TENM3: variants seen among roughly 807,000 people sequenced by gnomAD.
TENM3 encodes the protein teneurin-3.
TENM3 carries 63 observed loss-of-function variants against 255.1 expected under a neutral mutation model. The observed-to-expected ratio is 0.25, with a 90% confidence interval of 0.20 to 0.30. TENM3 has a LOEUF of 0.30. TENM3 is among the 10% of genes least tolerant of loss of function. TENM3 has a pLI of 1.00. For synonymous variants in TENM3, 1,306 were observed against 1,322.3 expected, an observed-to-expected ratio of 0.99 and a Z score of 0.27; for missense variants, 2,929 against 3,461.1, an observed-to-expected ratio of 0.85 and a Z score of 3.86.
the TENM3 span, among the ~76,000 whole-genome samples, chr4:181,973,180 A>G: frequency 4.6e-5 from 7 of 152,328 alleles, 1 homozygote; most frequent in South Asian, 1.2e-3. Flanking sequence ...CTCTTATAAC[A>G]TATGCAGTAA....
At chr4:182,695,987 C>T (rs1757371269) in intron 12 of TENM3, among the ~76,000 whole-genome samples, 1 of 152,144 alleles carries the variant, frequency 6.6e-6, no homozygotes, top group Admixed American at 6.5e-5. Context: ...TTACTCATCC[C>T]AGTGTATCAC....
intron 1 of TENM3, among the ~76,000 whole-genome samples, chr4:182,279,755 C>G (rs1378040843): frequency 6.6e-6 from 1 of 152,080 alleles, no homozygotes; most frequent in Non-Finnish European, 1.5e-5. Context: ...TAGTCATTTT[C>G]TCCATATGCT....
chr4:182,429,049 C>T (rs1311042352), intron 3 of TENM3, among the ~76,000 whole-genome samples: 1 of 152,154 alleles, frequency 6.6e-6, no homozygotes, highest in Non-Finnish European at 1.5e-5. Context: ...GTAGCTTCAT[C>T]CAAAGACTCC....
At chr4:181,654,712 C>T in the TENM3 span, among the ~76,000 whole-genome samples, 2 of 149,580 alleles carry the variant, frequency 1.3e-5, no homozygotes, top group Non-Finnish European at 3.0e-5. Flanking sequence ...CGAGATCGCG[C>T]CACTGCACTC....
the TENM3 span, among the ~76,000 whole-genome samples, chr4:181,705,203 C>T: frequency 2.0e-5 from 3 of 152,296 alleles, no homozygotes; most frequent in South Asian, 6.2e-4. Context: ...AAAGCACAAT[C>T]TGCACTGAAA....
chr4:182,177,255 C>T (rs938204682), intron 1 of TENM3, among the ~76,000 whole-genome samples: 17 of 152,098 alleles, frequency 1.1e-4, no homozygotes, highest in African/African-American at 4.1e-4. Context: ...TGATACATTT[C>T]ATTATTTTTA....
At chr4:181,535,708 C>A in the TENM3 span, among the ~76,000 whole-genome samples, 1 of 152,166 alleles carries the variant, frequency 6.6e-6, no homozygotes, top group Non-Finnish European at 1.5e-5. Context: ...TTCAAGCACA[C>A]CAGGCAAGCT....
At chr4:182,762,155 A>G (rs539129272) in intron 22 of TENM3, among the ~76,000 whole-genome samples, 2 of 152,360 alleles carry the variant, frequency 1.3e-5, no homozygotes, top group Admixed American at 1.3e-4. Context: ...TTCTCAGTTC[A>G]TCGGCTGTGT....
intron 3 of TENM3, among the ~76,000 whole-genome samples, chr4:182,584,746 T>C (rs1745833759): frequency 6.6e-6 from 1 of 152,068 alleles, no homozygotes; most frequent in Non-Finnish European, 1.5e-5. Flanking sequence ...TTCAAGTGAC[T>C]CTCCTGCCTC....
rs570455055 is a variant in TENM3 at position 182,668,469 on chromosome 4, G to T, written c.1112-4536G>T. On this transcript the variant is annotated intron_variant, in intron 6 of 27. Coordinates refer to ENST00000511685, the MANE Select transcript of TENM3 (RefSeq NM_001080477.4). The stretch of plus-strand genomic sequence containing the variant: ...ATGACCCCCACGGGTACTAGAACTC[G>T]AAGATTCTGTGGTGTTATGATTAAT... Among the ~76,000 whole-genome samples, 111 of 152,164 alleles carry T rather than the reference G, an allele frequency of 7.3e-4. 1 individual carries two copies. The highest frequency in any genetic ancestry group is 2.6e-3 in the African/African-American group (106 of 41,508).
intron 3 of TENM3, among the ~76,000 whole-genome samples, chr4:182,476,301 A>G (rs1733678246): frequency 6.6e-6 from 1 of 152,182 alleles, no homozygotes; most frequent in Non-Finnish European, 1.5e-5. Flanking sequence ...TCTTGTTGGT[A>G]AAAACAGATA....
intron 24 of TENM3, among the ~76,000 whole-genome samples, chr4:182,776,463 T>C (rs1036422487): frequency 3.9e-5 from 6 of 152,284 alleles, no homozygotes; most frequent in East Asian, 1.9e-4. Context: ...CTAACGCAGA[T>C]AGCCTCTTCT....
the TENM3 span, among the ~76,000 whole-genome samples, chr4:181,840,775 A>G: frequency 6.6e-6 from 1 of 151,978 alleles, no homozygotes; most frequent in African/African-American, 2.4e-5. Context: ...TGGGCTTTGA[A>G]CCCCTCTACT....
the TENM3 span, among the ~76,000 whole-genome samples, chr4:181,451,413 G>A: frequency 6.6e-5 from 10 of 152,302 alleles, no homozygotes; most frequent in African/African-American, 2.4e-4. Flanking sequence ...AGTGCAGTGA[G>A]AAACCATTAG....
chr4:182,301,661 C>T (rs1761865645), intron 1 of TENM3, among the ~76,000 whole-genome samples: 1 of 152,208 alleles, frequency 6.6e-6, no homozygotes, highest in Non-Finnish European at 1.5e-5. Context: ...GAACACACCA[C>T]TGGCTTTTTG....
At chr4:181,455,980 A>C in the TENM3 span, among the ~76,000 whole-genome samples, 1 of 151,858 alleles carries the variant, frequency 6.6e-6, no homozygotes, top group African/African-American at 2.4e-5. Flanking sequence ...CTCTTAACCA[A>C]AGAATCTTCT....
At chr4:182,620,838 C>T (rs1750052486) in intron 4 of TENM3, among the ~76,000 whole-genome samples, 1 of 152,172 alleles carries the variant, frequency 6.6e-6, no homozygotes, top group Non-Finnish European at 1.5e-5. Flanking sequence ...AAGCATTCCT[C>T]CTGCCTCACC....
the TENM3 span, among the ~76,000 whole-genome samples, chr4:181,880,904 T>C: frequency 6.6e-6 from 1 of 152,168 alleles, no homozygotes; most frequent in African/African-American, 2.4e-5. Flanking sequence ...GGGGCTCTAA[T>C]AGAGGTCAGA....
At chr4:181,624,847 G>T in the TENM3 span, among the ~76,000 whole-genome samples, 2 of 152,130 alleles carry the variant, frequency 1.3e-5, no homozygotes, top group Non-Finnish European at 2.9e-5. Flanking sequence ...GTGCAGGAAA[G>T]GTTGGAAGGT....
Sources: gnomAD v4.1 joint callset for allele counts (sites outside exome capture counted in the v4.1 genomes callset) on GRCh38, gnomAD v4.1.1 for gene constraint, MANE v1.5 for transcripts, NCBI Gene and HGNC (gene_info 2026-07-23, HGNC 2026-07-21) for gene names.